Variants in LNX1 observed in about 807,000 individuals in gnomAD.
LNX1 encodes ligand of numb-protein X 1.
LNX1 carries 54 observed loss-of-function variants against 68.4 expected under a neutral mutation model. That is an observed-to-expected ratio of 0.79 (90% confidence interval 0.63 to 0.99). The LOEUF is 0.99. LNX1 is among the 50% of genes least tolerant of loss of function. The pLI, the probability that LNX1 is intolerant of heterozygous loss-of-function variation, is 0.00. For synonymous variants in LNX1, 336 were observed against 350.0 expected, an observed-to-expected ratio of 0.96 and a Z score of 0.45; for missense variants, 906 against 926.4, an observed-to-expected ratio of 0.98 and a Z score of 0.29.
At chr4:53,568,391 A>T (rs1281694248) in intron 2 of LNX1, among the ~76,000 whole-genome samples, 1 of 152,020 alleles carries the variant, frequency 6.6e-6, no homozygotes, top group East Asian at 1.9e-4. Flanking sequence ...GCCAAAGACA[A>T]AAACCACATG....
intron 2 of LNX1, among the ~76,000 whole-genome samples, chr4:53,561,814 G>T (rs1398273256): frequency 1.3e-5 from 2 of 152,070 alleles, no homozygotes; most frequent in Non-Finnish European, 2.9e-5. Context: ...CTTGAGGAGG[G>T]TCAGTTTTAT....
intron 1 of LNX1, among the ~76,000 whole-genome samples, chr4:53,588,681 CT>C (rs1732322530): frequency 6.6e-6 from 1 of 152,162 alleles, no homozygotes; most frequent in Non-Finnish European, 1.5e-5. Flanking sequence ...TTTTAGCGTC[CT>C]TTGGGGAAAA....
chr4:53,508,657 A>G (rs1469766104), intron 2 of LNX1, among the ~76,000 whole-genome samples: 3 of 152,242 alleles, frequency 2.0e-5, no homozygotes, highest in Admixed American at 2.0e-4. Context: ...GAACGTAAAT[A>G]TAAAGCTCCT....
intron 2 of LNX1, among the ~76,000 whole-genome samples, chr4:53,561,031 T>C (rs7695583): frequency 0.98 from 149,846 of 152,276 alleles, 73,773 homozygotes; most frequent in Middle Eastern, 1. Flanking sequence ...TATCACTGAT[T>C]ATCTCCTATT....
Position 53,498,971 on chromosome 4 carries a change from C to T in LNX1, c.776-128G>A, listed in dbSNP as rs1376278100. 4.2e-6 allele frequency: 3 copies of T among 707,558 alleles called. No homozygotes were observed. The African/African-American group carries it at 5.3e-5, about 13-fold the overall frequency. 43.8% of individuals were successfully genotyped at this position (707,558 alleles called of 1,614,324 possible). On this transcript the variant is annotated intron_variant, in intron 4 of 10. Coordinates refer to ENST00000263925, the MANE Select transcript of LNX1 (RefSeq NM_001126328.3). ...TTTCCTCATACATGTTTTCCATTTT[C>T]CTGCCTCTGTGTCAATGTAAGTTTC...
At chr4:53,585,296 T>C (rs537868541) in intron 1 of LNX1, among the ~76,000 whole-genome samples, 2 of 152,224 alleles carry the variant, frequency 1.3e-5, no homozygotes, top group East Asian at 3.9e-4. Flanking sequence ...TAGAAATAAA[T>C]GAAGGTAGTG....
At chr4:53,626,336 T>C (rs1243874443) in intron 1 of LNX1, among the ~76,000 whole-genome samples, 1 of 152,216 alleles carries the variant, frequency 6.6e-6, no homozygotes, top group African/African-American at 2.4e-5. Flanking sequence ...TGCATAACCC[T>C]CATATAATAA....
At chr4:53,602,737 A>T (rs1733068305) in intron 2 of LNX1, 1 of 152,278 alleles carries the variant, frequency 6.6e-6, no homozygotes, top group Admixed American at 6.5e-5. Context: ...GTGTTGGGTG[A>T]TAGTTCACAA....
chr4:53,604,784 G>C (rs1291103333), intron 2 of LNX1, among the ~76,000 whole-genome samples: 1 of 152,196 alleles, frequency 6.6e-6, no homozygotes, highest in South Asian at 2.1e-4. Context: ...CTTGTGTTTG[G>C]ATTGGAGCTG....
At chr4:53,514,614 C>T (rs565356570) in intron 2 of LNX1, among the ~76,000 whole-genome samples, 1 of 152,058 alleles carries the variant, frequency 6.6e-6, no homozygotes, top group African/African-American at 2.4e-5. Flanking sequence ...CCTCCCACAA[C>T]ATGTGGGAAT....
chr4:53,551,225 C>T (rs1729484288), intron 2 of LNX1, among the ~76,000 whole-genome samples: 1 of 152,122 alleles, frequency 6.6e-6, no homozygotes, highest in Non-Finnish European at 1.5e-5. Flanking sequence ...GAGGCCTCAT[C>T]CTTCTGTTAC....
intron 1 of LNX1, among the ~76,000 whole-genome samples, chr4:53,651,536 A>T (rs1735099125): frequency 6.6e-6 from 1 of 152,236 alleles, no homozygotes; most frequent in Non-Finnish European, 1.5e-5. Flanking sequence ...CCATCCTCTC[A>T]TCAGAACATT....
At chr4:53,564,149 T>C (rs1730477043) in intron 2 of LNX1, among the ~76,000 whole-genome samples, 1 of 152,194 alleles carries the variant, frequency 6.6e-6, no homozygotes, top group South Asian at 2.1e-4. Flanking sequence ...CAAAAGTGCA[T>C]CTCATTATGA....
chr4:53,556,638 A>G (rs1319219763), intron 2 of LNX1, among the ~76,000 whole-genome samples: 2 of 152,242 alleles, frequency 1.3e-5, no homozygotes, highest in Non-Finnish European at 2.9e-5. Flanking sequence ...AGAGATGCTC[A>G]TGATTCAGAT....
intron 2 of LNX1, chr4:53,557,764 T>C: frequency 7.7e-7 from 1 of 1,293,206 alleles, no homozygotes; most frequent in South Asian, 1.4e-5. Context: ...CAAGTGCATC[T>C]AGTATGTGTG....
At chr4:53,482,516 T>A (rs1355162104) in intron 6 of LNX1, among the ~76,000 whole-genome samples, 3 of 152,190 alleles carry the variant, frequency 2.0e-5, no homozygotes, top group African/African-American at 7.2e-5. Context: ...CATGGAATAC[T>A]ACTCAGCCAC....
intron 1 of LNX1, chr4:53,616,731 T>G (rs1482669185): frequency 6.7e-6 from 1 of 150,026 alleles, no homozygotes; most frequent in Non-Finnish European, 1.5e-5. Context: ...CCATTCACTT[T>G]AATTAATTGG....
chr4:53,608,515 G>A (rs921628871), intron 2 of LNX1, among the ~76,000 whole-genome samples: 21 of 152,174 alleles, frequency 1.4e-4, no homozygotes, highest in African/African-American at 4.6e-4. Context: ...CTGCTGGTGG[G>A]AAGGTAAATT....
chr4:53,465,527 A>T (rs1282869558), intron 9 of LNX1, among the ~76,000 whole-genome samples: 1 of 152,174 alleles, frequency 6.6e-6, no homozygotes, highest in African/African-American at 2.4e-5. Context: ...TAATCTGGGG[A>T]GCCAGTACTC....
Sources: gnomAD v4.1 joint callset for allele counts (sites outside exome capture counted in the v4.1 genomes callset) on GRCh38, gnomAD v4.1.1 for gene constraint, MANE v1.5 for transcripts, NCBI Gene and HGNC (gene_info 2026-07-23, HGNC 2026-07-21) for gene names.